TNS1: variants seen among roughly 807,000 people sequenced by gnomAD.
TNS1 encodes tensin-1.
TNS1 carries 62 observed loss-of-function variants against 168.6 expected under a neutral mutation model. The observed-to-expected ratio is 0.37, with a 90% CI of 0.30 to 0.45. TNS1 has a LOEUF of 0.45. TNS1 is among the 20% of genes least tolerant of loss of function. The pLI, the probability that TNS1 is intolerant of heterozygous loss-of-function variation, is 1.00. For synonymous variants in TNS1, 934 were observed against 933.2 expected, an observed-to-expected ratio of 1.00 and a Z score of -0.02; for missense variants, 2,240 against 2,339.4, an observed-to-expected ratio of 0.96 and a Z score of 0.88.
chr2:217,951,576 G>C (rs577082803), intron 3 of TNS1, among the ~76,000 whole-genome samples: 1 of 152,140 alleles, frequency 6.6e-6, no homozygotes, highest in Non-Finnish European at 1.5e-5. Flanking sequence ...CTCAGGGCCT[G>C]GCTGGACCAC....
Position 217,930,718 on chromosome 2 carries a change from C to T in TNS1, c.187-10482G>A, listed in dbSNP as rs558755786. Reference sequence around the variant, plus strand: ...CAGGAAAGTGGGGCAGTCAGAGCTGCTGAGGCACGCGGCCGGAGGACTAGG... The same window carrying T: ...CAGGAAAGTGGGGCAGTCAGAGCTGTTGAGGCACGCGGCCGGAGGACTAGG... On this transcript the variant is annotated intron_variant, in intron 3 of 32. Transcript: ENST00000682258. Among the ~76,000 whole-genome samples the T allele has an allele frequency of 1.3e-4, 20 of 152,296 alleles. No homozygotes were observed. The East Asian group carries it at 3.7e-3, about 28-fold the overall frequency.
intron 1 of TNS1, chr2:218,010,065 G>GT (rs1460696795): frequency 3.7e-5 from 12 of 322,424 alleles, no homozygotes; most frequent in Non-Finnish European, 6.6e-5. Context: ...GCGGGGGGGG[G>GT]TCGGAAGGGG....
chr2:217,819,835 C>T (rs1942531741), intron 23 of TNS1, among the ~76,000 whole-genome samples: 1 of 152,064 alleles, frequency 6.6e-6, no homozygotes, highest in African/African-American at 2.4e-5. Flanking sequence ...CCAGGAACCC[C>T]CCATGGGGAG....
intron 10 of TNS1, 91 bp from the exon 11 acceptor site, chr2:217,893,103 G>A: frequency 6.7e-7 from 1 of 1,500,766 alleles, no homozygotes; most frequent in South Asian, 1.2e-5. Flanking sequence ...AAAAGAGTCA[G>A]GGCTGGAGAG....
chr2:217,813,186 G>A lies in TNS1; in HGVS notation c.4954+29C>T. 1 of 1,557,826 alleles carries A rather than the reference G, an allele frequency of 6.4e-7. No individual in the cohort carries two copies. The highest frequency in any genetic ancestry group is 8.8e-7 in the Non-Finnish European group (1 of 1,138,374). On this transcript the variant is annotated intron_variant, in intron 27 of 32. Coordinates refer to ENST00000682258, the MANE Select transcript of TNS1 (RefSeq NM_001387777.1). This position sits in a 1 kb window ranked among gnomAD's most constrained non-coding sequence, Gnocchi z 4.0. ...ACAGGACCAAGACTCAGGCCAGACT[G>A]TAGAGATGGGGGCAGGGGGACAGCT...
intron 18 of TNS1, among the ~76,000 whole-genome samples, chr2:217,863,030 C>T (rs1948929899): frequency 6.6e-6 from 1 of 151,416 alleles, no homozygotes; most frequent in African/African-American, 2.4e-5. Context: ...GGAAGGGGGC[C>T]CAGCCTCCCT....
intron 15 of TNS1, 48 bp downstream of exon 15, chr2:217,885,696 G>T: frequency 6.4e-7 from 1 of 1,573,088 alleles, no homozygotes; most frequent in South Asian, 1.1e-5. Flanking sequence ...GAAAAGAAGG[G>T]AGAGAAAATA....
intron 30 of TNS1, among the ~76,000 whole-genome samples, chr2:217,809,245 A>G (rs1370838248): frequency 2.4e-5 from 2 of 83,854 alleles, no homozygotes; most frequent in African/African-American, 1.2e-4. Flanking sequence ...GGATGGATGG[A>G]TGGATGCATG....
At chr2:218,021,627 C>G (rs1958807239) in intron 1 of TNS1, among the ~76,000 whole-genome samples, 1 of 152,190 alleles carries the variant, frequency 6.6e-6, no homozygotes, top group Admixed American at 6.5e-5. Flanking sequence ...GTTCCTCTCT[C>G]TGCCCACGTG....
Position 217,864,935 on chromosome 2 carries a change from T to A in TNS1, c.1430-15848A>T, listed in dbSNP as rs148208380. 2.9e-3 allele frequency among the ~76,000 whole-genome samples: 439 copies of A among 152,280 alleles called. 3 individuals carry two copies. Among genetic ancestry groups the A allele is most frequent in the African/African-American group, 1.0e-2 (415 of 41,550 alleles). On this transcript the variant is annotated intron_variant, in intron 18 of 32. Transcript: ENST00000682258. ...GTTGGGGTACGCAGTGGGGCAGAGA[T>A]CCATGTGGTTCCATGCAGAGAGGTG...
At chr2:217,844,813 C>T (rs1327601502) in intron 19 of TNS1, among the ~76,000 whole-genome samples, 2 of 152,210 alleles carry the variant, frequency 1.3e-5, no homozygotes, top group Admixed American at 6.5e-5. Context: ...ATCTCCACCT[C>T]TAGAGACATC....
chr2:217,857,374 T>C (rs1294745900), intron 18 of TNS1, among the ~76,000 whole-genome samples: 2 of 152,024 alleles, frequency 1.3e-5, no homozygotes, highest in East Asian at 1.9e-4. Flanking sequence ...CAAAACCAAC[T>C]CCTGGCTCCC....
At chr2:217,870,300 C>A (rs1329410387) in intron 18 of TNS1, among the ~76,000 whole-genome samples, 1 of 152,212 alleles carries the variant, frequency 6.6e-6, no homozygotes, top group Non-Finnish European at 1.5e-5. Flanking sequence ...GCACAGCTTT[C>A]TATATCCCCA....
chr2:217,829,384 TC>T (rs1484053884), intron 22 of TNS1, among the ~76,000 whole-genome samples: 1 of 151,654 alleles, frequency 6.6e-6, no homozygotes, highest in African/African-American at 2.4e-5. Context: ...AAACTCCATC[TC>T]AAAAAAAAAG....
At chr2:217,953,181 T>C (rs1339113131) in intron 3 of TNS1, among the ~76,000 whole-genome samples, 1 of 151,694 alleles carries the variant, frequency 6.6e-6, no homozygotes, top group East Asian at 2.0e-4. Flanking sequence ...AGGGCCCAGA[T>C]GAAGGATGCT....
rs1473084143 is a variant in TNS1, at chr2:217,800,114, G to C, written c.*4345C>G. ...CTCAATGATGGGTCTGAAGGGAGGAGAGAAATGGGGAAACACAGCCTGCAC... is the reference window on the plus strand; with the variant it reads ...CTCAATGATGGGTCTGAAGGGAGGACAGAAATGGGGAAACACAGCCTGCAC... On this transcript the variant is annotated 3_prime_UTR_variant, in exon 33 of 33. Transcript: ENST00000682258. The C allele has an allele frequency of 6.6e-6, 1 of 152,206 alleles. No homozygotes were observed. Among genetic ancestry groups the C allele is most frequent in the East Asian group, 1.9e-4 (1 of 5,188 alleles). 9.4% of individuals were successfully genotyped at this position (152,206 alleles called of 1,614,324 possible).
At chr2:217,969,257 C>A (rs1044477815) in intron 3 of TNS1, among the ~76,000 whole-genome samples, 3 of 152,142 alleles carry the variant, frequency 2.0e-5, no homozygotes, top group Non-Finnish European at 4.4e-5. Flanking sequence ...AGTGCTGGAA[C>A]AAATGGATAA....
chr2:218,023,756 G>T (rs1413916132), intron 1 of TNS1, among the ~76,000 whole-genome samples: 1 of 152,210 alleles, frequency 6.6e-6, no homozygotes, highest in Non-Finnish European at 1.5e-5. Flanking sequence ...TGCCAGACCA[G>T]CCTGCCCTGG....
chr2:218,000,262 T>G (rs1257096136), intron 1 of TNS1, among the ~76,000 whole-genome samples: 15 of 152,212 alleles, frequency 9.9e-5, no homozygotes, highest in Admixed American at 9.8e-4. Flanking sequence ...AATTGCAGCT[T>G]TCCCCATACA....
Sources: allele counts gnomAD v4.1 joint callset (sites outside exome capture counted in the v4.1 genomes callset), GRCh38; gene constraint gnomAD v4.1.1; non-coding constraint Gnocchi (gnomAD v3.1); transcripts MANE v1.5; gene names NCBI Gene and HGNC (gene_info 2026-07-23, HGNC 2026-07-21).